Variants in SUPT20H observed in about 807,000 individuals in gnomAD.
SUPT20H encodes transcription factor SPT20 homolog.
Under a neutral mutation model 122.8 loss-of-function variants are expected in SUPT20H, and 82 were observed. That is an observed-to-expected ratio of 0.67 (90% CI 0.56 to 0.80). The LOEUF (loss-of-function observed/expected upper bound fraction) is 0.80. SUPT20H is among the 30% of genes least tolerant of loss of function. The pLI is 0.00. For missense variants in SUPT20H, 831 were observed against 921.6 expected (o/e 0.90, Z 1.27); for synonymous variants, 291 against 313.0 (o/e 0.93, Z 0.74).
intron 16 of SUPT20H, chr13:37,025,993 C>G (rs1018646160): frequency 5.0e-6 from 2 of 396,976 alleles, no homozygotes; most frequent in Non-Finnish European, 9.0e-6. Flanking sequence ...TTTCTAGAAT[C>G]AGTAAGATTT....
Position 37,014,318 on chromosome 13 carries a change from C to T in SUPT20H, c.1993-2021G>A, listed in dbSNP as rs564231416. Reference sequence around the variant, plus strand: ...TCAGTTTTGGTTGAAGACTTCAACACTTCTCTCAGTAACTGATAAAACATA... The same window carrying T: ...TCAGTTTTGGTTGAAGACTTCAACATTTCTCTCAGTAACTGATAAAACATA... On this transcript the variant is annotated intron_variant, in intron 23 of 25. Transcript: ENST00000350612. Among the ~76,000 whole-genome samples the T allele has an allele frequency of 8.5e-5, 13 of 152,172 alleles. No homozygotes were observed. In the South Asian group the frequency reaches 2.7e-3, roughly 32 times the overall value.
At chr13:37,026,718 A>G in intron 15 of SUPT20H, 72 bp downstream of exon 15, 1 of 885,592 alleles carries the variant, frequency 1.1e-6, no homozygotes, top group Non-Finnish European at 1.7e-6. Flanking sequence ...AAGTATATTT[A>G]GCAAGTCTTT....
intron 6 of SUPT20H, 120 bp from the exon 7 acceptor site, chr13:37,044,301 G>C (rs2066012407): frequency 6.2e-6 from 4 of 641,088 alleles, no homozygotes; most frequent in Non-Finnish European, 9.5e-6. Flanking sequence ...AACCAAGCAA[G>C]GATCAAAAAA....
At chr13:37,026,710 G>A in intron 15 of SUPT20H, 80 bp downstream of exon 15, 4 of 824,962 alleles carry the variant, frequency 4.8e-6, no homozygotes, top group Non-Finnish European at 7.3e-6. Flanking sequence ...TTCAAATAAA[G>A]TATATTTAGC....
chr13:37,012,134 C>A, intron 24 of SUPT20H, 58 bp downstream of exon 24: 1 of 1,360,902 alleles, frequency 7.3e-7, no homozygotes, highest in South Asian at 1.2e-5. Flanking sequence ...GCGGTGAGAT[C>A]CCAAATAGAT....
chr13:37,045,837 G>A (rs1484847557), intron 5 of SUPT20H, among the ~76,000 whole-genome samples: 1 of 152,006 alleles, frequency 6.6e-6, no homozygotes, highest in Non-Finnish European at 1.5e-5. Context: ...GGCTAAATAA[G>A]ATACAAACAA....
Position 37,029,858 on chromosome 13 carries a change from T to C in SUPT20H, c.922-22A>G, listed in dbSNP as rs368169930. 6.4e-5 allele frequency: 99 copies of C among 1,555,814 alleles called. No individual in the cohort carries two copies. In the African/African-American group the frequency reaches 1.1e-3, roughly 17 times the overall value. On this transcript the variant is annotated intron_variant, in intron 12 of 25. Coordinates refer to ENST00000350612, the MANE Select transcript of SUPT20H (RefSeq NM_001014286.3). ...CCACCTAAACAATCAAATCAAGAAA[T>C]ACCACATAAAATAGAATCCATATCA...
Position 37,024,134 on chromosome 13 carries a change from A to G in SUPT20H, c.1492T>C (p.Ser498Pro), listed in dbSNP as rs143941016. ...CGAGGAATACTTGATGGCTTAGAAG[A>G]AGGAGGAGGAGTTGGAGATTTGAGA... Reference protein sequence around the residue: ...SFLKSPTPPPSSKPSSIPRKS... With the variant: ...SFLKSPTPPPPSKPSSIPRKS... Residue 498 changes from serine (S) to proline (P), a missense_variant, in exon 19 of 26, where the codon TCT becomes CCT. Ser to Pro is a moderately conservative substitution (Grantham distance 74). Transcript: ENST00000350612. 1.4e-4 allele frequency: 231 copies of G among 1,613,682 alleles called. No individual in the cohort carries two copies. The highest frequency in any genetic ancestry group is 2.2e-4 in the South Asian group (20 of 91,052).
intron 2 of SUPT20H, among the ~76,000 whole-genome samples, chr13:37,048,868 G>A (rs2067041665): frequency 6.6e-6 from 1 of 151,942 alleles, no homozygotes; most frequent in Non-Finnish European, 1.5e-5. Flanking sequence ...GTTTGGATAT[G>A]GCAGCTATCA....
At chr13:37,031,924 G>T (rs371384309) in intron 10 of SUPT20H, 29 bp from the exon 11 acceptor site, 2 of 1,543,962 alleles carry the variant, frequency 1.3e-6, no homozygotes, top group South Asian at 1.3e-5. Flanking sequence ...TGAACTAAAC[G>T]GCACTAATAA....
chr13:37,039,382 A>C (rs568289133), intron 9 of SUPT20H: 2 of 152,368 alleles, frequency 1.3e-5, no homozygotes, highest in African/African-American at 4.8e-5. Flanking sequence ...CAAGAGGCAG[A>C]AGTGATTCAG....
At chr13:37,035,731 C>T (rs1042634242) in intron 9 of SUPT20H, among the ~76,000 whole-genome samples, 38 of 152,040 alleles carry the variant, frequency 2.5e-4, no homozygotes, top group African/African-American at 8.0e-4. Flanking sequence ...AGGGTTTCAC[C>T]GTATTGGCCA....
intron 12 of SUPT20H, among the ~76,000 whole-genome samples, 158 bp from the exon 13 acceptor site, chr13:37,029,994 T>C (rs2063016789): frequency 6.6e-6 from 1 of 152,250 alleles, no homozygotes; most frequent in Non-Finnish European, 1.5e-5. Flanking sequence ...CTACTTATGC[T>C]TAAGCAGTTT....
intron 24 of SUPT20H, among the ~76,000 whole-genome samples, chr13:37,011,416 T>A (rs1395758984): frequency 6.6e-6 from 1 of 152,216 alleles, no homozygotes; most frequent in Non-Finnish European, 1.5e-5. Flanking sequence ...TATGTAAGGA[T>A]AACTGACTTC....
intron 1 of SUPT20H, among the ~76,000 whole-genome samples, chr13:37,055,422 T>G (rs932069451): frequency 6.6e-6 from 1 of 152,070 alleles, no homozygotes; most frequent in African/African-American, 2.4e-5. Context: ...AACAGAGATA[T>G]AGACCAATGG....
chr13:37,009,943 A>G, intron 25 of SUPT20H, 134 bp from the exon 26 acceptor site: 2 of 1,232,532 alleles, frequency 1.6e-6, no homozygotes, highest in Non-Finnish European at 2.2e-6. Context: ...ACTATACCAC[A>G]TTGAGACAAT....
Position 37,026,771 on chromosome 13 carries a change from T to C in SUPT20H, c.1178+19A>G, listed in dbSNP as rs1363226608. The C allele has an allele frequency of 1.4e-5, 19 of 1,325,266 alleles. No homozygotes were observed. Among genetic ancestry groups the C allele is most frequent in the East Asian group, 2.7e-5 (1 of 36,714 alleles). 82.1% of individuals were successfully genotyped at this position (1,325,266 alleles called of 1,614,324 possible). On this transcript the variant is annotated intron_variant, in intron 15 of 25. Coordinates refer to ENST00000350612, the MANE Select transcript of SUPT20H (RefSeq NM_001014286.3). Reference sequence around the variant, plus strand: ...TATGTAATTTCTTAACAGATTAAAATAGTTTATTTTTTAATTACCAATTTG... The same window carrying C: ...TATGTAATTTCTTAACAGATTAAAACAGTTTATTTTTTAATTACCAATTTG...
chr13:37,040,573 T>C lies in SUPT20H; in HGVS notation c.513+3A>G. 6.2e-7 allele frequency: 1 copy of C among 1,612,820 alleles called. No homozygotes were observed. The highest frequency in any genetic ancestry group is 8.5e-7 in the Non-Finnish European group (1 of 1,179,140). On this transcript the variant is annotated splice_donor_region_variant and intron_variant, in intron 8 of 25. Coordinates refer to ENST00000350612, the MANE Select transcript of SUPT20H (RefSeq NM_001014286.3). ...ATAGTATTTCTTAATTAAACATCCTTACCTGCATTGTTGGACGTAAGAGAA... is the reference window on the plus strand; with the variant it reads ...ATAGTATTTCTTAATTAAACATCCTCACCTGCATTGTTGGACGTAAGAGAA...
Position 37,022,031 on chromosome 13 carries a change from G to A in SUPT20H, c.1641C>T (p.Ile547=). The A allele has an allele frequency of 6.2e-7, 1 of 1,608,848 alleles. No individual in the cohort carries two copies. ...VMANSAGLNF[I]NVVGSVCGAQ... ...CTTACCAAACAGAGCCCACTACATTGATGAAGTTAAGTCCAGCAGAGTTTG... is the reference window on the plus strand; with the variant it reads ...CTTACCAAACAGAGCCCACTACATTAATGAAGTTAAGTCCAGCAGAGTTTG... Residue 547 remains isoleucine (I), a synonymous_variant, in exon 20 of 26, where the codon ATC becomes ATT. Coordinates refer to ENST00000350612, the MANE Select transcript of SUPT20H (RefSeq NM_001014286.3). This position sits in a 1 kb window ranked among gnomAD's most constrained non-coding sequence, Gnocchi z 4.5.
Sources: gnomAD v4.1 joint callset for allele counts (sites outside exome capture counted in the v4.1 genomes callset) on GRCh38, gnomAD v4.1.1 for gene constraint, Gnocchi (gnomAD v3.1) non-coding constraint, MANE v1.5 for transcripts, NCBI Gene and HGNC (gene_info 2026-07-23, HGNC 2026-07-21) for gene names.